The following DTNA variants were observed in gnomAD, a reference collection of about 807,000 sequenced individuals.
The protein encoded by DTNA is dystrophin-related protein 3.
Under a neutral mutation model 100.7 loss-of-function variants are expected in DTNA, and 43 were observed. The ratio of observed to expected loss-of-function variants is 0.43; its 90% CI spans 0.33 to 0.55. DTNA has a LOEUF of 0.55. DTNA is among the 20% of genes least tolerant of loss of function. DTNA has a pLI of 0.04. For missense variants in DTNA, 798 were observed against 953.9 expected, an observed-to-expected ratio of 0.84 and a Z score of 2.15; for synonymous variants, 349 against 347.9, an observed-to-expected ratio of 1.00 and a Z score of -0.04.
At chr18:34,589,007 A>G (rs935192415) in intron 1 of DTNA, among the ~76,000 whole-genome samples, 1 of 150,436 alleles carries the variant, frequency 6.6e-6, no homozygotes, top group Non-Finnish European at 1.5e-5. Context: ...TTATAATACT[A>G]TACTAATTAT....
chr18:34,883,719 C>A (rs139472153), intron 21 of DTNA, among the ~76,000 whole-genome samples: 23 of 152,144 alleles, frequency 1.5e-4, no homozygotes, highest in African/African-American at 5.1e-4. Flanking sequence ...ATAGATAAAG[C>A]CTTGAAATAT....
chr18:34,634,803 C>A (rs2058484880), intron 1 of DTNA, among the ~76,000 whole-genome samples: 1 of 152,028 alleles, frequency 6.6e-6, no homozygotes, highest in Non-Finnish European at 1.5e-5. Flanking sequence ...ATATGCACTA[C>A]CTCCTTTTTT....
chr18:34,774,694 G>T (rs917855030), intron 3 of DTNA, among the ~76,000 whole-genome samples: 1 of 152,106 alleles, frequency 6.6e-6, no homozygotes, highest in African/African-American at 2.4e-5. Context: ...TACTTCTTCA[G>T]CAATAAAAAT....
In DTNA at chr18:34,889,342, C is replaced by T. The variant is rs936459347; in HGVS notation, c.*1608C>T. The T allele has an allele frequency of 3.1e-6, 3 of 981,394 alleles. No homozygotes were observed. Among genetic ancestry groups the T allele is most frequent in the Non-Finnish European group, 3.6e-6 (3 of 826,438 alleles). 60.8% of individuals were successfully genotyped at this position (981,394 alleles called of 1,614,324 possible). A position where few individuals can be genotyped will look rare whatever the true frequency, so the allele number is the denominator to read the frequency against. On this transcript the variant is annotated 3_prime_UTR_variant, in exon 23 of 23. Coordinates refer to ENST00000444659, the MANE Select transcript of DTNA (RefSeq NM_001386795.1). ...CACCTCAGGCCTACTGAATCAGAAGCTCTGGGGGTTGGGTCCAGAAGTCTG... is the reference window on the plus strand; with the variant it reads ...CACCTCAGGCCTACTGAATCAGAAGTTCTGGGGGTTGGGTCCAGAAGTCTG...
chr18:34,510,251 A>C (rs961848250), intron 1 of DTNA, among the ~76,000 whole-genome samples: 1 of 150,774 alleles, frequency 6.6e-6, no homozygotes, highest in African/African-American at 2.4e-5. Context: ...TTTTTTTCCT[A>C]CAAATTTATC....
intron 1 of DTNA, among the ~76,000 whole-genome samples, chr18:34,596,676 C>A (rs984562820): frequency 6.6e-6 from 1 of 152,162 alleles, no homozygotes; most frequent in African/African-American, 2.4e-5. Context: ...TTACACTCTT[C>A]GTTCTAGAGA....
chr18:34,515,885 CTGAAAGAA>C (rs1395949540), intron 1 of DTNA, among the ~76,000 whole-genome samples: 4 of 152,072 alleles, frequency 2.6e-5, no homozygotes, highest in African/African-American at 9.7e-5. Context: ...AACATTAAAA[CTGAAAGAA>C]GCAGAGGTAT....
intron 1 of DTNA, among the ~76,000 whole-genome samples, chr18:34,585,320 A>T (rs1429597053): frequency 6.6e-6 from 1 of 152,178 alleles, no homozygotes; most frequent in Non-Finnish European, 1.5e-5. Context: ...TTTCTATTGG[A>T]GAGTTTGAGG....
intron 1 of DTNA, chr18:34,558,241 C>G (rs193165243): frequency 6.5e-6 from 1 of 153,380 alleles, no homozygotes; most frequent in Non-Finnish European, 1.4e-5. Flanking sequence ...GCACGGTGTG[C>G]GCACCCACTG....
intron 17 of DTNA, chr18:34,866,469 A>G: frequency 8.1e-7 from 1 of 1,227,756 alleles, no homozygotes; most frequent in South Asian, 1.7e-5. Flanking sequence ...CCCTTCTCTT[A>G]ACAGAGAGAT....
At chr18:34,856,097 A>G (rs2096549192) in intron 15 of DTNA, among the ~76,000 whole-genome samples, 1 of 151,996 alleles carries the variant, frequency 6.6e-6, no homozygotes, top group South Asian at 2.1e-4. Context: ...AGAGGAAAAA[A>G]GAAATAGGAG....
intron 1 of DTNA, among the ~76,000 whole-genome samples, chr18:34,656,756 G>A (rs556100516): frequency 3.3e-5 from 5 of 152,274 alleles, no homozygotes; most frequent in South Asian, 2.1e-4. Context: ...AATTATAGTT[G>A]TTAGATGTTG....
At chr18:34,734,523 A>G (rs1015598839) in intron 1 of DTNA, among the ~76,000 whole-genome samples, 5 of 152,264 alleles carry the variant, frequency 3.3e-5, no homozygotes, top group Admixed American at 2.6e-4. Flanking sequence ...AGCCACTTGC[A>G]TGATAAGAGC....
intron 21 of DTNA, among the ~76,000 whole-genome samples, chr18:34,882,617 C>T (rs1351783346): frequency 6.6e-6 from 1 of 152,142 alleles, no homozygotes; most frequent in African/African-American, 2.4e-5. Context: ...ATCCACCCAC[C>T]TCAGCCTCCC....
chr18:34,748,078 T>C (rs150072640), intron 1 of DTNA, among the ~76,000 whole-genome samples: 2,387 of 152,324 alleles, frequency 0.016, 32 homozygotes, highest in Non-Finnish European at 0.024. Context: ...CATTTTTTCA[T>C]ATGTTTGTTG....
chr18:34,563,802 C>T (rs115460049), intron 1 of DTNA, among the ~76,000 whole-genome samples: 165 of 152,192 alleles, frequency 1.1e-3, no homozygotes, highest in African/African-American at 3.3e-3. Context: ...AAATGTGGGG[C>T]GGGGGAGAAA....
At position 34,804,312 on chromosome 18, in the gene DTNA, G is replaced by A. The variant is rs191194190; in HGVS notation, c.363-1907G>A. ...ACTGCTGGGTGTGCCATGAGCAAAC[G>A]TTAGAACTTCGTCCTGAGGGCAAAA... On this transcript the variant is annotated intron_variant, in intron 4 of 22. Coordinates refer to ENST00000444659, the MANE Select transcript of DTNA (RefSeq NM_001386795.1). Among the ~76,000 whole-genome samples the A allele has an allele frequency of 1.5e-3, 223 of 152,288 alleles. 1 individual carries two copies. Among genetic ancestry groups the A allele is most frequent in the African/African-American group, 5.2e-3 (216 of 41,570 alleles).
intron 1 of DTNA, among the ~76,000 whole-genome samples, chr18:34,640,593 A>AC (rs2059166805): frequency 6.6e-6 from 1 of 152,242 alleles, no homozygotes; most frequent in Admixed American, 6.5e-5. Context: ...AATTCAGACC[A>AC]CATGCTAGGT....
chr18:34,600,393 A>T (rs2849500), intron 1 of DTNA, among the ~76,000 whole-genome samples: 17,481 of 152,142 alleles, frequency 0.11, 1,055 homozygotes, highest in African/African-American at 0.15. Context: ...AGTTACTTTA[A>T]TTATTTTTCT....
Sources: allele counts gnomAD v4.1 joint callset (sites outside exome capture counted in the v4.1 genomes callset), GRCh38; gene constraint gnomAD v4.1.1; transcripts MANE v1.5; gene names NCBI Gene and HGNC (gene_info 2026-07-23, HGNC 2026-07-21).